The following ASAP1 variants were observed in gnomAD, a reference collection of about 807,000 sequenced individuals.
The protein encoded by ASAP1 is arf-GAP with SH3 domain, ANK repeat and PH domain-containing protein 1.
Under a neutral mutation model 145.2 loss-of-function variants are expected in ASAP1, and 43 were observed. That is an observed-to-expected ratio of 0.30 (90% CI 0.23 to 0.38). The LOEUF (loss-of-function observed/expected upper bound fraction) is 0.38, where lower values mean the gene tolerates loss of function less well. ASAP1 is among the 10% of genes least tolerant of loss of function. ASAP1 has a pLI of 1.00. For synonymous variants in ASAP1, 546 were observed against 515.5 expected (o/e 1.06, Z -0.80); for missense variants, 1,018 against 1,355.3 (o/e 0.75, Z 3.91).
At chr8:130,194,036 G>T (rs1461019530) in intron 5 of ASAP1, among the ~76,000 whole-genome samples, 1 of 152,154 alleles carries the variant, frequency 6.6e-6, no homozygotes, top group Non-Finnish European at 1.5e-5. Flanking sequence ...GGCATGAGGG[G>T]AAGATAGAAA....
Position 130,289,210 on chromosome 8 carries a change from A to C in ASAP1, c.187-52216T>G, listed in dbSNP as rs948773290. Among the ~76,000 whole-genome samples the C allele has an allele frequency of 1.1e-4, 17 of 152,062 alleles. 1 individual carries two copies. Among genetic ancestry groups the C allele is most frequent in the Non-Finnish European group, 2.9e-5 (2 of 67,994 alleles). On this transcript the variant is annotated intron_variant, in intron 3 of 29. Coordinates refer to ENST00000518721, the MANE Select transcript of ASAP1 (RefSeq NM_018482.4). ...CAAAACAAAAAACAAAAACAAACAA[A>C]AAAAAAAACTATACTTACCAAGACT... is the stretch of plus-strand genomic sequence containing the variant.
At chr8:130,093,836 A>T (rs1276704405) in intron 24 of ASAP1, among the ~76,000 whole-genome samples, 1 of 152,102 alleles carries the variant, frequency 6.6e-6, no homozygotes, top group African/African-American at 2.4e-5. Context: ...GGTACAAAGT[A>T]AGCTTTCCTA....
chr8:130,394,995 C>A (rs1451625080), intron 2 of ASAP1, among the ~76,000 whole-genome samples: 2 of 152,190 alleles, frequency 1.3e-5, no homozygotes, highest in Non-Finnish European at 2.9e-5. Context: ...ATTCTTTCCC[C>A]ATGACTCCCT....
At chr8:130,316,741 C>T (rs1823684497) in intron 3 of ASAP1, among the ~76,000 whole-genome samples, 1 of 152,194 alleles carries the variant, frequency 6.6e-6, no homozygotes, top group Non-Finnish European at 1.5e-5. Context: ...CCAAAGGACG[C>T]CACAAACCTG....
At chr8:130,365,565 C>G (rs962141293) in intron 2 of ASAP1, among the ~76,000 whole-genome samples, 3 of 152,196 alleles carry the variant, frequency 2.0e-5, no homozygotes, top group Admixed American at 6.5e-5. Context: ...ACCCAGGTTT[C>G]TTTGATGAAT....
In ASAP1 at chr8:130,169,075, T is replaced by TA; in HGVS notation, c.747-9dup. The TA allele has an allele frequency of 3.3e-6, 5 of 1,528,946 alleles. No individual in the cohort carries two copies. The highest frequency in any genetic ancestry group is 2.2e-5 in the Admixed American group (1 of 45,464). The allele number at this position is 1,528,946 out of a possible 1,614,324, so 94.7% of individuals were successfully genotyped here. The stretch of plus-strand genomic sequence containing the variant: ...AAGCCATCTTGAAAGAAACTACAAT[T>TA]AAAAAAATCAGAGATTTACCACCAG... On this transcript the variant is annotated splice_polypyrimidine_tract_variant and intron_variant, in intron 9 of 29. Transcript: ENST00000518721.
chr8:130,275,748 T>C lies in ASAP1; in HGVS notation c.187-38754A>G, dbSNP rs116360544. ...TTTCTAAATATTATCCAAATAAACA[T>C]AAAAATGCTTTTAAAACAAATAAGG... On this transcript the variant is annotated intron_variant, in intron 3 of 29. Transcript: ENST00000518721. Among the ~76,000 whole-genome samples the C allele has an allele frequency of 3.7e-3, 566 of 152,250 alleles. 6 individuals are homozygous for C. The highest frequency in any genetic ancestry group is 0.013 in the African/African-American group (537 of 41,534).
intron 3 of ASAP1, among the ~76,000 whole-genome samples, chr8:130,332,629 T>C (rs1382434678): frequency 6.6e-6 from 1 of 152,260 alleles, no homozygotes; most frequent in African/African-American, 2.4e-5. Context: ...TTAGAAACTC[T>C]GGATTTTTTC....
intron 7 of ASAP1, among the ~76,000 whole-genome samples, chr8:130,183,016 A>G (rs1055049094): frequency 1.3e-5 from 2 of 152,002 alleles, no homozygotes; most frequent in Admixed American, 1.3e-4. Context: ...CAAATATTAT[A>G]TAATGAAAAT....
intron 24 of ASAP1, among the ~76,000 whole-genome samples, chr8:130,092,701 G>A (rs1030358172): frequency 3.9e-5 from 6 of 151,992 alleles, no homozygotes. Context: ...AGATCATTTA[G>A]GTACAATGGG....
intron 7 of ASAP1, among the ~76,000 whole-genome samples, chr8:130,183,670 A>G (rs1814523452): frequency 6.6e-6 from 1 of 152,090 alleles, no homozygotes; most frequent in Admixed American, 6.5e-5. Flanking sequence ...TTTTATACTG[A>G]TTTACCACTT....
At chr8:130,107,007 C>T (rs16904204) in intron 24 of ASAP1, among the ~76,000 whole-genome samples, 25,148 of 152,150 alleles carry the variant, frequency 0.17, 2,580 homozygotes, top group East Asian at 0.44. Context: ...ATGCTCACTA[C>T]GTGCCAGTCA....
chr8:130,263,261 C>A (rs576142518), intron 3 of ASAP1, among the ~76,000 whole-genome samples: 1 of 152,138 alleles, frequency 6.6e-6, no homozygotes, highest in Non-Finnish European at 1.5e-5. Flanking sequence ...CCAAAGGCTT[C>A]CCAGCAACCC....
chr8:130,387,121 C>T (rs1586953203), intron 2 of ASAP1, among the ~76,000 whole-genome samples: 1 of 152,128 alleles, frequency 6.6e-6, no homozygotes, highest in African/African-American at 2.4e-5. Context: ...GAAATCAAAC[C>T]TGCTTTCATA....
In ASAP1 at chr8:130,265,810, G is replaced by A. The variant is rs1023813303; in HGVS notation, c.187-28816C>T. Among the ~76,000 whole-genome samples, 7 of 152,134 alleles carry A rather than the reference G, an allele frequency of 4.6e-5. No homozygotes were observed. The East Asian group carries it at 1.2e-3, about 25-fold the overall frequency. The stretch of plus-strand genomic sequence containing the variant: ...GGATATCATCTGGGCCTGGGAGGTC[G>A]AGGCTGAAGAGCCAAGACTGCGCCA... On this transcript the variant is annotated intron_variant, in intron 3 of 29. Coordinates refer to ENST00000518721, the MANE Select transcript of ASAP1 (RefSeq NM_018482.4).
At chr8:130,429,840 C>T (rs891062600) in intron 1 of ASAP1, among the ~76,000 whole-genome samples, 1 of 152,248 alleles carries the variant, frequency 6.6e-6, no homozygotes, top group Admixed American at 6.5e-5. Flanking sequence ...ATGTATACTT[C>T]GCTGACTAAT....
At chr8:130,233,551 T>C (rs1178994828) in intron 4 of ASAP1, among the ~76,000 whole-genome samples, 1 of 152,228 alleles carries the variant, frequency 6.6e-6, no homozygotes, top group African/African-American at 2.4e-5. Context: ...TGGCTTAGCC[T>C]AGTACAGTAT....
Position 130,058,004 on chromosome 8 carries a change from T to C in ASAP1, c.3265A>G (p.Ile1089Val), listed in dbSNP as rs768050103. 2.5e-6 allele frequency: 4 copies of C among 1,614,152 alleles called. No individual in the cohort carries two copies. Among genetic ancestry groups the C allele is most frequent in the African/African-American group, 2.7e-5 (2 of 74,954 alleles). Residue 1089 changes from isoleucine (I) to valine (V), a missense_variant, in exon 29 of 30, where the codon ATC becomes GTC. By Grantham distance (29) the Ile-to-Val change is conservative. Transcript: ENST00000518721. ...QADNDDELTFIEGEVIIVTGE... is the reference protein window; with the variant it reads ...QADNDDELTFVEGEVIIVTGE... ...GTGACGATAATCACTTCTCCCTCGA[T>C]GAATGTGAGCTCGTCATCGTTGTCT...
At chr8:130,090,118 A>C (rs1230379205) in intron 25 of ASAP1, among the ~76,000 whole-genome samples, 3 of 152,226 alleles carry the variant, frequency 2.0e-5, no homozygotes, top group Non-Finnish European at 4.4e-5. Flanking sequence ...ATGGGGGGAA[A>C]AACGGCCAGC....
Sources: allele counts gnomAD v4.1 joint callset (sites outside exome capture counted in the v4.1 genomes callset), GRCh38; gene constraint gnomAD v4.1.1; transcripts MANE v1.5; gene names NCBI Gene and HGNC (gene_info 2026-07-23, HGNC 2026-07-21).